LAP3: variants seen among roughly 807,000 people sequenced by gnomAD.
The protein encoded by LAP3 is cytosol aminopeptidase.
A neutral mutation model predicts 58.8 loss-of-function variants in LAP3; 46 were observed. That is an observed-to-expected ratio of 0.78 (90% CI 0.62 to 1.00). The LOEUF (loss-of-function observed/expected upper bound fraction) is 1.00. Among genes scored for constraint, LAP3 ranks in the 50% least tolerant of loss-of-function variants. LAP3 has a pLI of 0.00. For missense variants in LAP3, 615 were observed against 659.1 expected (o/e 0.93, Z 0.73); for synonymous variants, 257 against 237.7 (o/e 1.08, Z -0.75).
rs1713475671 is a variant in LAP3, at chr4:17,585,219, T to A, written c.704+83T>A. On this transcript the variant is annotated intron_variant, in intron 6 of 12. Transcript: ENST00000226299. ...TCCTAAAATCCAGCTCCCTCACTTT[T>A]TAGAGGAATAACTTGAGACCAGAGA... 9 of 1,167,222 alleles carry A rather than the reference T, an allele frequency of 7.7e-6. No individual in the cohort carries two copies. In the South Asian group the frequency reaches 8.0e-5, roughly 10 times the overall value. 72.3% of individuals were successfully genotyped at this position (1,167,222 alleles called of 1,614,324 possible). A position where few individuals can be genotyped will look rare whatever the true frequency, so the allele number is the denominator to read the frequency against.
At chr4:17,596,640 A>G (rs1037677214) in intron 8 of LAP3, among the ~76,000 whole-genome samples, 4 of 152,150 alleles carry the variant, frequency 2.6e-5, no homozygotes, top group Non-Finnish European at 4.4e-5. Flanking sequence ...CGCCTGGCCT[A>G]TATTTAGCTT....
intron 10 of LAP3, 80 bp from the exon 11 acceptor site, chr4:17,604,508 C>A: frequency 1.1e-6 from 1 of 946,316 alleles, no homozygotes; most frequent in East Asian, 2.4e-5. Context: ...AGGGTACATG[C>A]TAAGGTTTCC....
At chr4:17,594,819 C>A (rs1297442953) in intron 7 of LAP3, among the ~76,000 whole-genome samples, 1 of 152,166 alleles carries the variant, frequency 6.6e-6, no homozygotes, top group African/African-American at 2.4e-5. Context: ...GTGAGCTCAT[C>A]AGCTTTTCTT....
chr4:17,604,475 TG>T, intron 10 of LAP3, 112 bp from the exon 11 acceptor site: 1 of 696,268 alleles, frequency 1.4e-6, no homozygotes, highest in Non-Finnish European at 2.6e-6. Flanking sequence ...TATCTATTTT[TG>T]AAAATGAGGA....
At chr4:17,584,155 G>C (rs1383123623) in intron 5 of LAP3, among the ~76,000 whole-genome samples, 1 of 152,260 alleles carries the variant, frequency 6.6e-6, no homozygotes, top group Non-Finnish European at 1.5e-5. Flanking sequence ...AGGGTTGGCA[G>C]CTGTGGGGAG....
At chr4:17,599,556 T>C (rs1339649417) in intron 10 of LAP3, among the ~76,000 whole-genome samples, 1 of 151,976 alleles carries the variant, frequency 6.6e-6, no homozygotes, top group Non-Finnish European at 1.5e-5. Context: ...TAAAATAAAA[T>C]AAATGATGTT....
At chr4:17,585,196 C>A in intron 6 of LAP3, 60 bp downstream of exon 6, 1 of 1,405,088 alleles carries the variant, frequency 7.1e-7, no homozygotes. Context: ...CCTTGAGATC[C>A]TAAAATCCAG....
Position 17,598,395 on chromosome 4 carries a change from G to T in LAP3, c.1078-61G>T, listed in dbSNP as rs182466376. 5.5e-5 allele frequency: 67 copies of T among 1,208,176 alleles called. 2 individuals are homozygous for T. The Admixed American group carries it at 8.1e-4, about 15-fold the overall frequency. The allele number at this position is 1,208,176 out of a possible 1,614,324, so 74.8% of individuals were successfully genotyped here. A position where few individuals can be genotyped will look rare whatever the true frequency, so the allele number is the denominator to read the frequency against. The stretch of plus-strand genomic sequence containing the variant: ...ACTTTTCCGTCGAACACTGTTGCAA[G>T]TGTCTAGTTTTCATATTCTTTACTT... On this transcript the variant is annotated intron_variant, in intron 9 of 12. Transcript: ENST00000226299.
At chr4:17,603,467 G>C (rs988250135) in intron 10 of LAP3, among the ~76,000 whole-genome samples, 12 of 151,648 alleles carry the variant, frequency 7.9e-5, no homozygotes, top group African/African-American at 9.7e-5. Flanking sequence ...AGACCAGCCT[G>C]AGCAACATAA....
chr4:17,584,442 G>A (rs1330242561), intron 5 of LAP3, among the ~76,000 whole-genome samples: 1 of 152,214 alleles, frequency 6.6e-6, no homozygotes, highest in African/African-American at 2.4e-5. Context: ...TGAAACACGT[G>A]CCTGTATCCT....
At chr4:17,591,251 T>G (rs1003537910) in intron 7 of LAP3, among the ~76,000 whole-genome samples, 19 of 151,832 alleles carry the variant, frequency 1.3e-4, no homozygotes, top group African/African-American at 4.6e-4. Flanking sequence ...TAATTTTTTT[T>G]GTATTTTTAG....
chr4:17,596,884 A>T (rs1038380992), intron 8 of LAP3, among the ~76,000 whole-genome samples, 162 bp from the exon 9 acceptor site: 1 of 152,190 alleles, frequency 6.6e-6, no homozygotes, highest in African/African-American at 2.4e-5. Context: ...CTTGTTGCTG[A>T]CACATCATGT....
Position 17,588,939 on chromosome 4 carries a change from AC to A in LAP3, c.829del (p.Leu277TrpfsTer26). ...AAGGCAGCCCCAATGCAAACGAACC[AC>A]CCCTGGTGTTTGTTGGGAAAGGAAT... Reference protein sequence around the residue: ...YKGSPNANEPPLVFVGKGITF... With the variant: ...YKGSPNANEPXLVFVGKGITF... On this transcript the variant is annotated frameshift_variant, in exon 7 of 13. Coordinates refer to ENST00000226299, the MANE Select transcript of LAP3 (RefSeq NM_015907.3). LOFTEE classifies it high-confidence loss of function. 3.7e-6 allele frequency: 6 copies of A among 1,611,866 alleles called. No homozygotes were observed. Among genetic ancestry groups the A allele is most frequent in the Non-Finnish European group, 5.1e-6 (6 of 1,179,596 alleles).
At chr4:17,597,424 G>A (rs757680450) in intron 9 of LAP3, among the ~76,000 whole-genome samples, 4 of 152,118 alleles carry the variant, frequency 2.6e-5, no homozygotes, top group African/African-American at 9.7e-5. Context: ...CCACAGGTGC[G>A]TGCCACCATG....
intron 4 of LAP3, 126 bp from the exon 5 acceptor site, chr4:17,583,357 C>G (rs1368932548): frequency 1.1e-6 from 1 of 939,822 alleles, no homozygotes; most frequent in Non-Finnish European, 1.6e-6. Context: ...TCAGAACATT[C>G]GGGTATCAGG....
intron 4 of LAP3, 148 bp from the exon 5 acceptor site, chr4:17,583,335 A>G (rs1560341948): frequency 7.4e-6 from 6 of 806,342 alleles, no homozygotes; most frequent in Non-Finnish European, 4.0e-6. Flanking sequence ...TTTACAGAAG[A>G]GGAAATGAGG....
intron 9 of LAP3, among the ~76,000 whole-genome samples, chr4:17,597,832 T>G (rs1027764120): frequency 2.0e-5 from 3 of 152,118 alleles, no homozygotes; most frequent in Admixed American, 1.3e-4. Flanking sequence ...GGCCCTGCAC[T>G]GAAGGGGATG....
intron 3 of LAP3, 125 bp downstream of exon 3, chr4:17,581,939 C>A: frequency 1.2e-6 from 1 of 831,398 alleles, no homozygotes. Context: ...CACTATTAAG[C>A]AGAACATTTA....
At chr4:17,605,066 C>CCT (rs999892445) in intron 11 of LAP3, among the ~76,000 whole-genome samples, 34 of 151,918 alleles carry the variant, frequency 2.2e-4, no homozygotes, top group African/African-American at 8.2e-4. Flanking sequence ...GTGCTCTGTG[C>CCT]CTCCCTCCAT....
Sources: gnomAD v4.1 joint callset for allele counts (sites outside exome capture counted in the v4.1 genomes callset) on GRCh38, gnomAD v4.1.1 for gene constraint, MANE v1.5 for transcripts, NCBI Gene and HGNC (gene_info 2026-07-23, HGNC 2026-07-21) for gene names.